SLC7A11: variants seen among roughly 807,000 people sequenced by gnomAD.
SLC7A11 encodes the protein cystine/glutamate transporter.
Under a neutral mutation model 54.5 loss-of-function variants are expected in SLC7A11, and 35 were observed. That is an observed-to-expected ratio of 0.64 (90% CI 0.49 to 0.85). The LOEUF (loss-of-function observed/expected upper bound fraction) is 0.85. SLC7A11 is among the 40% of genes least tolerant of loss of function. The probability of loss-of-function intolerance (pLI) is 0.00; values close to 1 mark genes in which losing one functional copy is unlikely to be tolerated. For missense variants in SLC7A11, 583 were observed against 618.1 expected, an observed-to-expected ratio of 0.94 and a Z score of 0.60; for synonymous variants, 230 against 225.2, an observed-to-expected ratio of 1.02 and a Z score of -0.19.
intron 10 of SLC7A11, 81 bp from the exon 11 acceptor site, chr4:138,179,475 G>T (rs1736666255): frequency 2.5e-6 from 3 of 1,219,950 alleles, no homozygotes; most frequent in Non-Finnish European, 2.3e-6. Context: ...TGTCAGTCAT[G>T]ACATATACTT....
chr4:138,237,728 TATATATA>T (rs1560742617), intron 1 of SLC7A11, among the ~76,000 whole-genome samples: 25 of 11,484 alleles, frequency 2.2e-3, no homozygotes, highest in Non-Finnish European at 3.5e-3. Flanking sequence ...TATATATATA[TATATATA>T]TATTTTTTTT....
chr4:138,228,623 A>G (rs1328773107), intron 3 of SLC7A11, among the ~76,000 whole-genome samples: 2 of 151,722 alleles, frequency 1.3e-5, no homozygotes, highest in East Asian at 1.9e-4. Flanking sequence ...GCAGGGCGTG[A>G]TGGTGGGCGC....
Position 138,168,800 on chromosome 4 carries a change from AAAG to A in SLC7A11, c.*3153_*3155del, listed in dbSNP as rs1736333582. 1 of 152,210 alleles carries A rather than the reference AAAG, an allele frequency of 6.6e-6. No homozygotes were observed. The highest frequency in any genetic ancestry group is 2.4e-5 in the African/African-American group (1 of 41,454). 9.4% of individuals were successfully genotyped at this position (152,210 alleles called of 1,614,324 possible). On this transcript the variant is annotated 3_prime_UTR_variant, in exon 12 of 12. Transcript: ENST00000280612. Reference sequence around the variant, plus strand: ...CCCTAGGACAAATCTTTACTCTTCTAAAGAAGGACAAGAATAAGGTCTACTTTC... The same window carrying A: ...CCCTAGGACAAATCTTTACTCTTCTAAAGGACAAGAATAAGGTCTACTTTC...
intron 3 of SLC7A11, among the ~76,000 whole-genome samples, chr4:138,231,148 G>T (rs1369646366): frequency 6.6e-6 from 1 of 152,028 alleles, no homozygotes; most frequent in East Asian, 1.9e-4. Flanking sequence ...ACACATAGAC[G>T]TAGAGTGTGA....
At chr4:138,194,529 G>A (rs1737085647) in intron 6 of SLC7A11, among the ~76,000 whole-genome samples, 1 of 152,112 alleles carries the variant, frequency 6.6e-6, no homozygotes, top group African/African-American at 2.4e-5. Context: ...AACAAAAGTG[G>A]TTCATACAAT....
At chr4:138,187,146 C>T (rs1362218834) in intron 6 of SLC7A11, among the ~76,000 whole-genome samples, 1 of 152,066 alleles carries the variant, frequency 6.6e-6, no homozygotes, top group African/African-American at 2.4e-5. Flanking sequence ...ATTTACCTTC[C>T]CAGTCCAGCT....
chr4:138,212,466 A>T (rs2148437473), intron 6 of SLC7A11, among the ~76,000 whole-genome samples: 1 of 151,802 alleles, frequency 6.6e-6, no homozygotes, highest in South Asian at 2.1e-4. Flanking sequence ...ATGTGTTATT[A>T]TTATTTCCAT....
chr4:138,205,189 G>C (rs897610455), intron 6 of SLC7A11, among the ~76,000 whole-genome samples: 1 of 152,006 alleles, frequency 6.6e-6, no homozygotes, highest in African/African-American at 2.4e-5. Context: ...CAAACAGCTA[G>C]TTAAAAAGAG....
At chr4:138,186,736 G>T (rs926803859) in intron 6 of SLC7A11, among the ~76,000 whole-genome samples, 1 of 152,050 alleles carries the variant, frequency 6.6e-6, no homozygotes, top group East Asian at 1.9e-4. Flanking sequence ...ATGGCATAAA[G>T]CAAATTAAAG....
At chr4:138,172,815 G>T (rs1004366473) in intron 11 of SLC7A11, among the ~76,000 whole-genome samples, 1 of 152,062 alleles carries the variant, frequency 6.6e-6, no homozygotes, top group Non-Finnish European at 1.5e-5. Context: ...TGGTTTCTGG[G>T]GACATTAGTT....
chr4:138,199,491 C>T (rs992350247), intron 6 of SLC7A11, among the ~76,000 whole-genome samples: 11 of 151,858 alleles, frequency 7.2e-5, no homozygotes, highest in Non-Finnish European at 1.3e-4. Flanking sequence ...TTTGTGTTCC[C>T]GTCATTTAAA....
At chr4:138,237,712 TATATATATATATATATATATATA>T (rs1738248486) in intron 1 of SLC7A11, among the ~76,000 whole-genome samples, 2 of 6,390 alleles carry the variant, frequency 3.1e-4, no homozygotes, top group South Asian at 4.3e-3. Context: ...TATATATATA[TATATATATATATATATATATATA>T]TATTTTTTTT....
chr4:138,164,576 A>ATGAT lies in SLC7A11; in HGVS notation c.*7376_*7379dup, dbSNP rs1391160726. On this transcript the variant is annotated 3_prime_UTR_variant, in exon 12 of 12. Transcript: ENST00000280612. ...CATAGATAAATATCTTAGTTCTAAT[A>ATGAT]TGATTGGAATGTGGATGCAGAAATA... 5.9e-5 allele frequency: 9 copies of ATGAT among 152,296 alleles called. No homozygotes were observed. In the East Asian group the frequency reaches 1.4e-3, roughly 23 times the overall value. The allele number at this position is 152,296 out of a possible 1,614,324, so 9.4% of individuals were successfully genotyped here. A position where few individuals can be genotyped will look rare whatever the true frequency, so the allele number is the denominator to read the frequency against.
intron 6 of SLC7A11, among the ~76,000 whole-genome samples, chr4:138,200,835 T>G (rs1288942421): frequency 6.6e-6 from 1 of 152,140 alleles, no homozygotes; most frequent in African/African-American, 2.4e-5. Flanking sequence ...CAAGTCAATG[T>G]GTGAATAGAA....
At chr4:138,231,984 C>G (rs1738090535) in intron 3 of SLC7A11, among the ~76,000 whole-genome samples, 1 of 152,092 alleles carries the variant, frequency 6.6e-6, no homozygotes, top group Admixed American at 6.5e-5. Flanking sequence ...GGGGTTTTCT[C>G]TTTAAAAGTC....
intron 3 of SLC7A11, among the ~76,000 whole-genome samples, chr4:138,224,876 A>G (rs1737906043): frequency 6.6e-6 from 1 of 151,806 alleles, no homozygotes; most frequent in African/African-American, 2.4e-5. Context: ...AGATCTGGAA[A>G]CATATTTACC....
At chr4:138,216,320 A>T (rs1737680070) in intron 5 of SLC7A11, among the ~76,000 whole-genome samples, 1 of 152,164 alleles carries the variant, frequency 6.6e-6, no homozygotes, top group South Asian at 2.1e-4. Context: ...GACTAAATCC[A>T]TAGAGGGGGA....
At chr4:138,186,696 T>C (rs1043873063) in intron 6 of SLC7A11, among the ~76,000 whole-genome samples, 3 of 152,068 alleles carry the variant, frequency 2.0e-5, no homozygotes, top group African/African-American at 7.2e-5. Flanking sequence ...GTAAAGAAAA[T>C]CACTGAGCCA....
rs1578680705 is a variant in SLC7A11 at position 138,242,007 on chromosome 4, G to A, written c.63C>T (p.Asn21=). Residue 21 remains asparagine (N), a synonymous_variant, in exon 1 of 12, where the codon AAC becomes AAT. Transcript: ENST00000280612. The stretch of plus-strand genomic sequence containing the variant: ...TGTTGCCCAGGGAAGGCAGCCTCCC[G>A]TTAACATTTCCCTGCAGGTAACCTC... The part of the protein sequence containing the change: ...SKGGYLQGNV[N]GRLPSLGNKE... 3.1e-6 allele frequency: 5 copies of A among 1,614,108 alleles called. No individual in the cohort carries two copies. The highest frequency in any genetic ancestry group is 2.2e-5 in the East Asian group (1 of 44,872).
Sources: allele counts gnomAD v4.1 joint callset (sites outside exome capture counted in the v4.1 genomes callset), GRCh38; gene constraint gnomAD v4.1.1; transcripts MANE v1.5; gene names NCBI Gene and HGNC (gene_info 2026-07-23, HGNC 2026-07-21).